VPS13C: variants seen among roughly 807,000 people sequenced by gnomAD.
VPS13C encodes intermembrane lipid transfer protein VPS13C.
A neutral mutation model predicts 456.8 loss-of-function variants in VPS13C; 358 were observed. The ratio of observed to expected loss-of-function variants is 0.78; its 90% CI spans 0.72 to 0.86. The LOEUF is 0.86. Among genes scored for constraint, VPS13C ranks in the 40% least tolerant of loss-of-function variants. The probability of loss-of-function intolerance (pLI) is 0.00; values close to 1 mark genes in which losing one functional copy is unlikely to be tolerated. For missense variants in VPS13C, 4,818 were observed against 4,385.4 expected (o/e 1.10, Z -2.79); for synonymous variants, 1,578 against 1,486.7 (o/e 1.06, Z -1.41).
rs1315911360 is a variant in VPS13C, at chr15:61,969,356, C to T, written c.2854G>A (p.Asp952Asn). 7 of 1,603,894 alleles carry T rather than the reference C, an allele frequency of 4.4e-6. No homozygotes were observed. Among genetic ancestry groups the T allele is most frequent in the Non-Finnish European group, 6.0e-6 (7 of 1,175,712 alleles). The change falls in exon 28 of 85, where the codon GAC becomes AAC. Residue 952 changes from aspartate to asparagine, a missense_variant. By Grantham distance (23) the Asp-to-Asn change is conservative. Transcript: ENST00000644861. ...TTTAAATAAGATACCACAGTTAAGT[C>T]AAATGTTCTCATTGTGGCCTCTGTT... The part of the protein sequence containing the change: ...LGTEATMRTF[D>N]LTVVSYLKKI...
At chr15:62,019,578 T>C (rs1444881991) in intron 9 of VPS13C, among the ~76,000 whole-genome samples, 3 of 152,192 alleles carry the variant, frequency 2.0e-5, no homozygotes, top group African/African-American at 4.8e-5. Flanking sequence ...GGTTGTTCAG[T>C]TTCCATGTAG....
At chr15:61,938,796 C>T (rs1225418853) in intron 47 of VPS13C, among the ~76,000 whole-genome samples, 5 of 152,086 alleles carry the variant, frequency 3.3e-5, no homozygotes, top group African/African-American at 1.2e-4. Flanking sequence ...GCAGAAGCCC[C>T]GTGTGTACTT....
At chr15:61,954,863 G>T (rs2044932695) in intron 37 of VPS13C, among the ~76,000 whole-genome samples, 5 of 152,160 alleles carry the variant, frequency 3.3e-5, no homozygotes, top group Admixed American at 3.3e-4. Context: ...ATGTATTAGA[G>T]GAGGTATTAT....
intron 53 of VPS13C, among the ~76,000 whole-genome samples, chr15:61,924,033 T>G (rs1279609009): frequency 2.0e-5 from 3 of 150,664 alleles, no homozygotes; most frequent in African/African-American, 4.9e-5. Flanking sequence ...GCCCGGCTAA[T>G]TTTTTGTATT....
chr15:61,872,479 A>G (rs796608959), intron 78 of VPS13C, among the ~76,000 whole-genome samples: 5 of 152,256 alleles, frequency 3.3e-5, no homozygotes, highest in African/African-American at 1.2e-4. Flanking sequence ...GGGCCCTCCC[A>G]GGGACAGGTA....
At chr15:62,034,113 T>C (rs1416706773) in intron 4 of VPS13C, among the ~76,000 whole-genome samples, 3 of 151,682 alleles carry the variant, frequency 2.0e-5, no homozygotes, top group African/African-American at 7.2e-5. Context: ...GACTATAGTA[T>C]TGACTAGTAT....
intron 67 of VPS13C, 29 bp downstream of exon 67, chr15:61,890,136 T>G: frequency 6.2e-7 from 1 of 1,607,562 alleles, no homozygotes; most frequent in Non-Finnish European, 8.5e-7. Flanking sequence ...TTTAAAGGTT[T>G]AGGATGTCTT....
At chr15:61,935,354 G>A (rs185193644) in intron 48 of VPS13C, 1 of 152,154 alleles carries the variant, frequency 6.6e-6, no homozygotes, top group Non-Finnish European at 1.5e-5. Context: ...ACAAGTTACT[G>A]GAAAAACAAA....
chr15:61,924,259 T>C (rs2043767744), intron 53 of VPS13C, among the ~76,000 whole-genome samples: 1 of 152,170 alleles, frequency 6.6e-6, no homozygotes, highest in East Asian at 1.9e-4. Flanking sequence ...TCCCCATCTA[T>C]TTAATCTCCC....
chr15:61,875,321 C>G (rs1460831389), intron 76 of VPS13C, among the ~76,000 whole-genome samples: 4 of 152,042 alleles, frequency 2.6e-5, no homozygotes, highest in Non-Finnish European at 4.4e-5. Context: ...TTTATTTTCT[C>G]TGCTTTATTC....
At position 61,941,851 on chromosome 15, in the gene VPS13C, T is replaced by C. The variant is rs115161459; in HGVS notation, c.5365A>G (p.Lys1789Glu). The change falls in exon 46 of 85, where the codon AAG becomes GAG. Residue 1789 changes from lysine to glutamate, a missense_variant. Lys to Glu is a moderately conservative substitution (Grantham distance 56). Coordinates refer to ENST00000644861, the MANE Select transcript of VPS13C (RefSeq NM_020821.3). The stretch of plus-strand genomic sequence containing the variant: ...TGTTCCATAGGAACCAAGCTAAACT[T>C]GTTTTCAACTCTGATTAAACCCAGA... ...ADLGLIRVEN[K>E]FSLVPMEHYS... 1.2e-5 allele frequency: 19 copies of C among 1,614,004 alleles called. No homozygotes were observed. The East Asian group carries it at 4.2e-4, about 36-fold the overall frequency.
At chr15:61,983,298 C>T (rs1262903377) in intron 20 of VPS13C, among the ~76,000 whole-genome samples, 2 of 152,118 alleles carry the variant, frequency 1.3e-5, no homozygotes, top group African/African-American at 2.4e-5. Context: ...CATATCCATA[C>T]TGATGACTAA....
chr15:61,987,784 T>C (rs1284042600), intron 18 of VPS13C, among the ~76,000 whole-genome samples: 1 of 152,208 alleles, frequency 6.6e-6, no homozygotes, highest in Non-Finnish European at 1.5e-5. Flanking sequence ...GAACCAGTAG[T>C]AGGAATATAA....
intron 15 of VPS13C, among the ~76,000 whole-genome samples, chr15:62,005,184 G>T (rs1161432877): frequency 1.3e-5 from 2 of 152,196 alleles, no homozygotes; most frequent in Non-Finnish European, 2.9e-5. Context: ...CTCAGGACTT[G>T]CTTTATGAAT....
intron 80 of VPS13C, among the ~76,000 whole-genome samples, chr15:61,869,260 G>T (rs1489635582): frequency 6.6e-6 from 1 of 151,886 alleles, no homozygotes; most frequent in Non-Finnish European, 1.5e-5. Flanking sequence ...TAGGATTACA[G>T]GTGCCCGCCA....
chr15:62,048,892 A>G (rs2048522404), intron 1 of VPS13C, among the ~76,000 whole-genome samples: 1 of 152,140 alleles, frequency 6.6e-6, no homozygotes, highest in Admixed American at 6.5e-5. Context: ...TTGGCTGCAT[A>G]AATGTCTTCT....
At position 61,900,665 on chromosome 15, in the gene VPS13C, G is replaced by A. The variant is rs867849511; in HGVS notation, c.9105+6599C>T. Among the ~76,000 whole-genome samples the A allele has an allele frequency of 1.8e-3, 268 of 150,426 alleles. 1 individual carries two copies. The highest frequency in any genetic ancestry group is 6.3e-3 in the African/African-American group (255 of 40,794). ...CTCATGGGTAGGAAGAATCAATATC[G>A]TGAAAATGGCCATACTGCCCAAGGT... On this transcript the variant is annotated intron_variant, in intron 66 of 84. Transcript: ENST00000644861.
intron 45 of VPS13C, among the ~76,000 whole-genome samples, 184 bp downstream of exon 45, chr15:61,945,531 A>G (rs1353864344): frequency 6.6e-6 from 1 of 152,242 alleles, no homozygotes; most frequent in Non-Finnish European, 1.5e-5. Flanking sequence ...CTTCAAAACA[A>G]TAATTTTAAA....
At chr15:62,011,986 T>A (rs1012218413) in intron 12 of VPS13C, 121 bp downstream of exon 12, 8 of 600,452 alleles carry the variant, frequency 1.3e-5, no homozygotes, top group Non-Finnish European at 2.0e-5. Context: ...TGTATCATAA[T>A]AGTAAGGTAT....
Sources: allele counts gnomAD v4.1 joint callset (sites outside exome capture counted in the v4.1 genomes callset), GRCh38; gene constraint gnomAD v4.1.1; transcripts MANE v1.5; gene names NCBI Gene and HGNC (gene_info 2026-07-23, HGNC 2026-07-21).